CD1A: variants seen among roughly 807,000 people sequenced by gnomAD.
CD1A encodes the protein CD1a molecule.
CD1A carries 50 observed loss-of-function variants against 38.3 expected under a neutral mutation model. The ratio of observed to expected loss-of-function variants is 1.30; its 90% CI spans 1.04 to 1.65. The LOEUF (loss-of-function observed/expected upper bound fraction) is 1.65. Among genes scored for constraint, CD1A ranks in the 40% most tolerant of loss-of-function variants. CD1A has a pLI of 0.00. For synonymous variants in CD1A, 160 were observed against 150.8 expected (o/e 1.06, Z -0.45); for missense variants, 459 against 406.1 (o/e 1.13, Z -1.12).
At chr1:158,253,392 T>C (rs114309858), upstream of CD1A, among the ~76,000 whole-genome samples, 11 of 152,346 alleles carry the variant, frequency 7.2e-5, no homozygotes, top group Non-Finnish European at 1.6e-4. Flanking sequence ...TCTGACTAGT[T>C]TCTTATAAGT....
rs1173293971 is a variant in CD1A at position 158,257,701 on chromosome 1, G to A, written c.*11G>A. The A allele has an allele frequency of 1.9e-6, 3 of 1,613,556 alleles. No individual in the cohort carries two copies. Among genetic ancestry groups the A allele is most frequent in the Non-Finnish European group, 2.5e-6 (3 of 1,179,586 alleles). ...TCCAGTTTCTGTTAAGACACACCAT[G>A]AGCCTCCTCGTCACCCTTCTCCTTT... On this transcript the variant is annotated 3_prime_UTR_variant, in exon 6 of 6. Transcript: ENST00000289429.
the CD1A span, among the ~76,000 whole-genome samples, chr1:158,249,183 A>T: frequency 6.6e-6 from 1 of 152,166 alleles, no homozygotes; most frequent in South Asian, 2.1e-4. Flanking sequence ...CCCATATTCA[A>T]CGGTGTAGGC....
chr1:158,252,907 CA>C (rs1242141116), upstream of CD1A, among the ~76,000 whole-genome samples: 2 of 150,112 alleles, frequency 1.3e-5, no homozygotes, highest in Non-Finnish European at 3.0e-5. Flanking sequence ...CAAAACAAAA[CA>C]AAACAAAACA....
chr1:158,256,043 A>G lies in CD1A; in HGVS notation c.365A>G (p.His122Arg). The change falls in exon 3 of 6, where the codon CAC (histidine) becomes CGC (arginine). Residue 122 changes from histidine (H) to arginine (R), a missense_variant. Transcript: ENST00000289429. Reference sequence around the variant, plus strand: ...CAGGTGACAGGAGGCTGTGAGCTGCACTCTGGAAAGGTCTCAGGAAGCTTC... The same window carrying G: ...CAGGTGACAGGAGGCTGTGAGCTGCGCTCTGGAAAGGTCTCAGGAAGCTTC... ...EIQVTGGCEL[H>R]SGKVSGSFLQ... 6.2e-7 allele frequency: 1 copy of G among 1,614,060 alleles called. No homozygotes were observed.
At position 158,255,232 on chromosome 1, in the gene CD1A, CT is replaced by C. The variant is rs1234181890; in HGVS notation, c.208del (p.Trp70GlyfsTer46). 1.2e-6 allele frequency: 2 copies of C among 1,614,018 alleles called. No individual in the cohort carries two copies. Among genetic ancestry groups the C allele is most frequent in the African/African-American group, 2.7e-5 (2 of 74,892 alleles). ...CCAGCACCATCGTTTTCCTGTGCCC[CT>C]GGTCCAGGGGAAACTTCAGCAATGA... ...NSSTIVFLCP[W>X]SRGNFSNEEW... On this transcript the variant is annotated frameshift_variant, in exon 2 of 6. Coordinates refer to ENST00000289429, the MANE Select transcript of CD1A (RefSeq NM_001763.3). LOFTEE classifies it high-confidence loss of function.
chr1:158,250,589 C>A (rs1051357418), upstream of CD1A, among the ~76,000 whole-genome samples: 1 of 152,158 alleles, frequency 6.6e-6, no homozygotes, highest in Non-Finnish European at 1.5e-5. Flanking sequence ...TCAGTCTTCC[C>A]CAACCATTTC....
rs1650284142 is a variant in CD1A at position 158,257,080 on chromosome 1, G to A, written c.883+16G>A. The A allele has an allele frequency of 6.3e-7, 1 of 1,587,876 alleles. No homozygotes were observed. Among genetic ancestry groups the A allele is most frequent in the Admixed American group, 1.8e-5 (1 of 57,104 alleles). ...CTCTACTGGGGTGAGAAAAAGCTAA[G>A]GCCCAGGCTGGAAATGCCAGGAAGT... On this transcript the variant is annotated intron_variant, in intron 4 of 5. Transcript: ENST00000289429.
chr1:158,255,868 G>A, intron 2 of CD1A, 136 bp from the exon 3 acceptor site: 1 of 769,592 alleles, frequency 1.3e-6, no homozygotes, highest in Admixed American at 2.8e-5. Context: ...CTCTTTCTCT[G>A]AATCCCTGAC....
Position 158,256,256 on chromosome 1 carries a change from C to A in CD1A, c.578C>A (p.Ala193Glu), listed in dbSNP as rs1249450963. ...CPRFILGLLD[A>E]GKAHLQRQVK... ...CGTTTCATCTTGGGTCTTCTTGATG[C>A]AGGAAAGGCACATCTCCAGCGGCAA... The change falls in exon 3 of 6, where the codon GCA (alanine) becomes GAA (glutamate). Residue 193 changes from alanine (A) to glutamate (E), a missense_variant. Coordinates refer to ENST00000289429, the MANE Select transcript of CD1A (RefSeq NM_001763.3). 1 of 1,614,010 alleles carries A rather than the reference C, an allele frequency of 6.2e-7. No individual in the cohort carries two copies. Among genetic ancestry groups the A allele is most frequent in the Non-Finnish European group, 8.5e-7 (1 of 1,180,002 alleles).
At position 158,254,717 on chromosome 1, in the gene CD1A, C is replaced by A. The variant is rs760594414; in HGVS notation, c.48C>A (p.Gly16=). ...TGTTAGCTGTTCTCCCAGGTGATGGCAATGCAGACGGTAAGAACTCTGACA... is the reference window on the plus strand; with the variant it reads ...TGTTAGCTGTTCTCCCAGGTGATGGAAATGCAGACGGTAAGAACTCTGACA... ...LPLLAVLPGD[G]NADGLKEPLS... is the part of the protein sequence containing the mutation. The change falls in exon 1 of 6, where the codon GGC becomes GGA. Residue 16 remains glycine, a synonymous_variant. Coordinates refer to ENST00000289429, the MANE Select transcript of CD1A (RefSeq NM_001763.3). 5.6e-6 allele frequency: 9 copies of A among 1,612,214 alleles called. No homozygotes were observed. Among genetic ancestry groups the A allele is most frequent in the Non-Finnish European group, 6.8e-6 (8 of 1,178,698 alleles).
chr1:158,258,077 T>G lies in CD1A; in HGVS notation c.*387T>G. ...TCCTGGTCTGAACTCCCGCCACATT[T>G]TAGCCGTACTTTGCTAACTGTGCTC... On this transcript the variant is annotated 3_prime_UTR_variant, in exon 6 of 6. Coordinates refer to ENST00000289429, the MANE Select transcript of CD1A (RefSeq NM_001763.3). 5.3e-6 allele frequency: 1 copy of G among 189,012 alleles called. No homozygotes were observed. The highest frequency in any genetic ancestry group is 1.1e-5 in the Non-Finnish European group (1 of 90,668). 11.7% of individuals were successfully genotyped at this position (189,012 alleles called of 1,614,324 possible). A position where few individuals can be genotyped will look rare whatever the true frequency, so the allele number is the denominator to read the frequency against.
Position 158,256,262 on chromosome 1 carries a change from A to G in CD1A, c.584A>G (p.Lys195Arg). 1 of 1,613,996 alleles carries G rather than the reference A, an allele frequency of 6.2e-7. No homozygotes were observed. Among genetic ancestry groups the G allele is most frequent in the Non-Finnish European group, 8.5e-7 (1 of 1,180,010 alleles). ...RFILGLLDAG[K>R]AHLQRQVKPE... ...ATCTTGGGTCTTCTTGATGCAGGAA[A>G]GGCACATCTCCAGCGGCAAGGTCAG... The change falls in exon 3 of 6, where the codon AAG (lysine) becomes AGG (arginine). Residue 195 changes from lysine to arginine, a missense_variant. Transcript: ENST00000289429.
Position 158,255,059 on chromosome 1 carries a change from C to T in CD1A, c.59-25C>T, listed in dbSNP as rs918892628. The T allele has an allele frequency of 2.5e-6, 4 of 1,610,072 alleles. No homozygotes were observed. In the Admixed American group the frequency reaches 6.7e-5, roughly 27 times the overall value. ...TCCTCTTTCTCAATGTCTTTCTCCCCATTCTATCTGTTCTTTTGTCGCAGG... is the reference window on the plus strand; with the variant it reads ...TCCTCTTTCTCAATGTCTTTCTCCCTATTCTATCTGTTCTTTTGTCGCAGG... On this transcript the variant is annotated intron_variant, in intron 1 of 5. Coordinates refer to ENST00000289429, the MANE Select transcript of CD1A (RefSeq NM_001763.3).
rs149659983 is a variant in CD1A, at chr1:158,256,926, C to G, written c.745C>G (p.Arg249Gly). The G allele has an allele frequency of 8.7e-6, 14 of 1,614,146 alleles. No individual in the cohort carries two copies. The South Asian group carries it at 1.5e-4, about 18-fold the overall frequency. Reference protein sequence around the residue: ...RGEQEQQGTQRGDILPSADGT... With the variant: ...RGEQEQQGTQGGDILPSADGT... Reference sequence around the variant, plus strand: ...TGAGCAGGAGCAGCAGGGCACTCAGCGAGGGGACATCTTGCCCAGTGCTGA... The same window carrying G: ...TGAGCAGGAGCAGCAGGGCACTCAGGGAGGGGACATCTTGCCCAGTGCTGA... Residue 249 changes from arginine (R) to glycine (G), a missense_variant, in exon 4 of 6, where the codon CGA becomes GGA. Transcript: ENST00000289429.
rs142041113 is a variant in CD1A at position 158,255,892 on chromosome 1, A to G, written c.326-112A>G. The G allele has an allele frequency of 6.2e-5, 68 of 1,093,664 alleles. 1 individual carries two copies. Among genetic ancestry groups the G allele is most frequent in the Admixed American group, 1.2e-4 (5 of 41,086 alleles). The allele number at this position is 1,093,664 out of a possible 1,614,324, so 67.7% of individuals were successfully genotyped here. On this transcript the variant is annotated intron_variant, in intron 2 of 5. Coordinates refer to ENST00000289429, the MANE Select transcript of CD1A (RefSeq NM_001763.3). ...TGAATCCCTGACCAAACCAAATTTT[A>G]TTCCATTATGTCAAACCCTGCACAC...
intron 1 of CD1A, 72 bp from the exon 2 acceptor site, chr1:158,255,012 C>A: frequency 6.7e-7 from 1 of 1,492,800 alleles, no homozygotes; most frequent in Non-Finnish European, 9.2e-7. Context: ...AGTTCCCGCA[C>A]TCTGGCACCT....
chr1:158,254,390 T>C (rs1027734140), upstream of CD1A: 22 of 1,279,790 alleles, frequency 1.7e-5, no homozygotes, highest in Middle Eastern at 6.3e-4. Context: ...ACATCAGACT[T>C]GTTCCATAGC....
chr1:158,255,753 A>G (rs185626714), intron 2 of CD1A, among the ~76,000 whole-genome samples: 121 of 152,254 alleles, frequency 7.9e-4, no homozygotes, highest in African/African-American at 2.9e-3. Context: ...GTTCTCTTAC[A>G]CCAGGTCCTT....
intron 1 of CD1A, 58 bp downstream of exon 1, chr1:158,254,785 CTGTGTGTGTGTGTGTGTGTGTGTGTG>C (rs55696033): frequency 1.5e-5 from 10 of 684,454 alleles, no homozygotes; most frequent in African/African-American, 9.9e-5. Context: ...CTCTCTCTCT[CTGTGTGTGTGTGTGTGTGTGTGTGTG>C]TGTGTGTGTG....
Sources: allele counts gnomAD v4.1 joint callset (sites outside exome capture counted in the v4.1 genomes callset), GRCh38; gene constraint gnomAD v4.1.1; transcripts MANE v1.5; gene names NCBI Gene and HGNC (gene_info 2026-07-23, HGNC 2026-07-21).